Variants in HSD17B4 observed in about 807,000 individuals in gnomAD.
HSD17B4 encodes the protein peroxisomal multifunctional enzyme type 2.
A neutral mutation model predicts 101.0 loss-of-function variants in HSD17B4; 70 were observed. The ratio of observed to expected loss-of-function variants is 0.69; its 90% CI spans 0.57 to 0.85. The LOEUF (loss-of-function observed/expected upper bound fraction) is 0.85. Among genes scored for constraint, HSD17B4 ranks in the 40% least tolerant of loss-of-function variants. The probability of loss-of-function intolerance (pLI) is 0.00; values close to 1 mark genes in which losing one functional copy is unlikely to be tolerated. For synonymous variants in HSD17B4, 347 were observed against 297.1 expected (o/e 1.17, Z -1.73); for missense variants, 984 against 892.4 (o/e 1.10, Z -1.31).
chr5:119,473,437 G>A (rs1748226764), intron 2 of HSD17B4, among the ~76,000 whole-genome samples: 1 of 148,568 alleles, frequency 6.7e-6, no homozygotes. Flanking sequence ...TCCCACCTCA[G>A]CCTCCCAAGT....
chr5:119,484,874 C>G (rs1366909608), intron 8 of HSD17B4, among the ~76,000 whole-genome samples: 1 of 152,020 alleles, frequency 6.6e-6, no homozygotes, highest in Non-Finnish European at 1.5e-5. Flanking sequence ...TTTTTAAAGC[C>G]TCTTATTCTT....
chr5:119,482,843 A>AT (rs968867917), intron 8 of HSD17B4, among the ~76,000 whole-genome samples: 17 of 150,738 alleles, frequency 1.1e-4, no homozygotes, highest in African/African-American at 3.9e-4. Flanking sequence ...TTAAATCTCC[A>AT]TTTTTTGAGT....
chr5:119,507,305 T>G (rs1009228629), intron 15 of HSD17B4, among the ~76,000 whole-genome samples: 4 of 152,212 alleles, frequency 2.6e-5, no homozygotes, highest in African/African-American at 9.7e-5. Flanking sequence ...GAACACTAAA[T>G]TATTCTTATA....
At chr5:119,526,180 TG>T (rs1226686312) in intron 19 of HSD17B4, among the ~76,000 whole-genome samples, 157 bp downstream of exon 19, 2 of 152,020 alleles carry the variant, frequency 1.3e-5, no homozygotes, top group African/African-American at 4.8e-5. Flanking sequence ...ACTTTCTTTT[TG>T]TAGCTATAAA....
chr5:119,464,518 G>T (rs1204081434), intron 2 of HSD17B4: 1 of 151,976 alleles, frequency 6.6e-6, no homozygotes. Flanking sequence ...ATTTATTTCT[G>T]TGTTATCTAT....
At chr5:119,522,558 C>G (rs944106668) in intron 17 of HSD17B4, among the ~76,000 whole-genome samples, 1 of 151,930 alleles carries the variant, frequency 6.6e-6, no homozygotes, top group Non-Finnish European at 1.5e-5. Flanking sequence ...TACCTCTGTG[C>G]GTTTTGTGGT....
chr5:119,478,717 C>A, intron 7 of HSD17B4, 117 bp from the exon 8 acceptor site: 1 of 738,298 alleles, frequency 1.4e-6, no homozygotes, highest in Non-Finnish European at 2.4e-6. Flanking sequence ...TCGTAAGAAG[C>A]TAATGACAGT....
At chr5:119,458,426 G>A (rs929495990) in intron 2 of HSD17B4, among the ~76,000 whole-genome samples, 7 of 150,650 alleles carry the variant, frequency 4.6e-5, no homozygotes, top group East Asian at 1.9e-4. Context: ...TCACTGCAAC[G>A]TCTGCCTCCG....
chr5:119,494,254 A>C (rs1750388010), intron 11 of HSD17B4, among the ~76,000 whole-genome samples: 1 of 152,028 alleles, frequency 6.6e-6, no homozygotes, highest in African/African-American at 2.4e-5. Context: ...GGTTGGTTTC[A>C]AAGTCTTCCA....
chr5:119,469,423 C>T (rs749296370), intron 2 of HSD17B4, among the ~76,000 whole-genome samples: 13 of 152,038 alleles, frequency 8.6e-5, no homozygotes, highest in South Asian at 2.1e-4. Flanking sequence ...GGCGCGGTCT[C>T]GGCTCATTGC....
intron 2 of HSD17B4, among the ~76,000 whole-genome samples, chr5:119,466,812 A>G (rs961590829): frequency 6.6e-6 from 1 of 151,690 alleles, no homozygotes; most frequent in African/African-American, 2.4e-5. Flanking sequence ...TATTAATTCT[A>G]TCTACTGATT....
At chr5:119,500,823 AAGG>A (rs951333036) in intron 13 of HSD17B4, among the ~76,000 whole-genome samples, 7 of 152,114 alleles carry the variant, frequency 4.6e-5, no homozygotes, top group African/African-American at 1.7e-4. Flanking sequence ...GTGTGTCAAG[AAGG>A]AGGAGGGAAC....
chr5:119,480,298 G>A (rs945913080), intron 8 of HSD17B4, among the ~76,000 whole-genome samples: 1 of 152,010 alleles, frequency 6.6e-6, no homozygotes, highest in Non-Finnish European at 1.5e-5. Flanking sequence ...TCGGGGTCCT[G>A]CCCCGATAAT....
chr5:119,513,282 A>G (rs571450061), intron 16 of HSD17B4, among the ~76,000 whole-genome samples: 136 of 152,386 alleles, frequency 8.9e-4, no homozygotes, highest in Non-Finnish European at 1.8e-3. Context: ...TTTAGTGAAG[A>G]TATTATTTTA....
At chr5:119,540,070 G>C (rs1754859461) in intron 23 of HSD17B4, among the ~76,000 whole-genome samples, 1 of 152,140 alleles carries the variant, frequency 6.6e-6, no homozygotes, top group Non-Finnish European at 1.5e-5. Flanking sequence ...CTGGGTGACA[G>C]AGCAAGACCC....
At chr5:119,536,644 A>C in intron 23 of HSD17B4, 94 bp downstream of exon 23, 1 of 1,191,840 alleles carries the variant, frequency 8.4e-7, no homozygotes. Flanking sequence ...CTGATTTATA[A>C]GCCAGGTTTC....
At chr5:119,489,521 G>A (rs904848625) in intron 9 of HSD17B4, among the ~76,000 whole-genome samples, 10 of 152,048 alleles carry the variant, frequency 6.6e-5, no homozygotes, top group African/African-American at 2.4e-4. Context: ...TGATCTGTTC[G>A]GTCAAAATGT....
intron 1 of HSD17B4, among the ~76,000 whole-genome samples, chr5:119,454,810 C>CG (rs1205275418): frequency 6.6e-6 from 1 of 151,524 alleles, no homozygotes; most frequent in Admixed American, 6.6e-5. Context: ...TGAATAGAGA[C>CG]GGGGTTTCAC....
chr5:119,479,732 A>T (rs942741980), intron 8 of HSD17B4, among the ~76,000 whole-genome samples: 1 of 152,104 alleles, frequency 6.6e-6, no homozygotes, highest in Non-Finnish European at 1.5e-5. Flanking sequence ...TTGTTTATTC[A>T]TACACCTATT....
Sources: allele counts gnomAD v4.1 joint callset (sites outside exome capture counted in the v4.1 genomes callset), GRCh38; gene constraint gnomAD v4.1.1; transcripts MANE v1.5; gene names NCBI Gene and HGNC (gene_info 2026-07-23, HGNC 2026-07-21).